ARHGEF7: variants seen among roughly 807,000 people sequenced by gnomAD.
ARHGEF7 encodes the protein Rho guanine nucleotide exchange factor 7.
ARHGEF7 carries 33 observed loss-of-function variants against 109.8 expected under a neutral mutation model. The observed-to-expected ratio is 0.30, with a 90% CI of 0.23 to 0.40. ARHGEF7 has a LOEUF of 0.40. Ranked by LOEUF, ARHGEF7 falls within the 10% of genes least tolerant of loss-of-function variation. ARHGEF7 has a pLI of 1.00. For missense variants in ARHGEF7, 938 were observed against 1,098.5 expected, an observed-to-expected ratio of 0.85 and a Z score of 2.07; for synonymous variants, 458 against 424.6, an observed-to-expected ratio of 1.08 and a Z score of -0.97.
intron 1 of ARHGEF7, among the ~76,000 whole-genome samples, chr13:111,128,776 G>T (rs548098041): frequency 1.3e-5 from 2 of 152,280 alleles, no homozygotes; most frequent in Admixed American, 1.3e-4. Flanking sequence ...ATAACATTCT[G>T]GGTCAGAAGT....
intron 5 of ARHGEF7, among the ~76,000 whole-genome samples, chr13:111,229,132 G>A (rs2085655705): frequency 6.6e-6 from 1 of 152,044 alleles, no homozygotes; most frequent in Non-Finnish European, 1.5e-5. Flanking sequence ...GTGTGTCTTG[G>A]TGGACTCTGG....
chr13:111,128,766 A>C (rs1478817701), intron 1 of ARHGEF7, among the ~76,000 whole-genome samples: 2 of 152,244 alleles, frequency 1.3e-5, no homozygotes, highest in African/African-American at 4.8e-5. Flanking sequence ...GGGGCTATAC[A>C]TAACATTCTG....
intron 2 of ARHGEF7, among the ~76,000 whole-genome samples, chr13:111,173,448 C>T (rs146303128): frequency 6.2e-4 from 95 of 152,320 alleles, no homozygotes; most frequent in African/African-American, 2.0e-3. Flanking sequence ...CTGTGTCTGT[C>T]TTGGGAGGAT....
intron 2 of ARHGEF7, among the ~76,000 whole-genome samples, chr13:111,201,591 T>G (rs549651748): frequency 1.3e-5 from 2 of 152,352 alleles, no homozygotes; most frequent in South Asian, 2.1e-4. Flanking sequence ...GAGTTATCTG[T>G]AGGTCTGTTT....
chr13:111,290,012 C>T (rs983066640), intron 18 of ARHGEF7, among the ~76,000 whole-genome samples: 1 of 152,186 alleles, frequency 6.6e-6, no homozygotes, highest in African/African-American at 2.4e-5. Flanking sequence ...TGTGTATAAT[C>T]ACACAATAAC....
At chr13:111,213,765 A>C (rs1442325789) in intron 4 of ARHGEF7, among the ~76,000 whole-genome samples, 1 of 152,130 alleles carries the variant, frequency 6.6e-6, no homozygotes, top group African/African-American at 2.4e-5. Context: ...TAGTGATGAA[A>C]TCCATCTCTT....
intron 2 of ARHGEF7, among the ~76,000 whole-genome samples, chr13:111,190,221 C>T (rs1019569312): frequency 6.6e-6 from 1 of 152,100 alleles, no homozygotes; most frequent in Admixed American, 6.5e-5. Context: ...AATACAGGGC[C>T]CGAAGGCGAG....
At chr13:111,274,922 A>C (rs555644119) in intron 11 of ARHGEF7, 132 bp downstream of exon 11, 14 of 531,452 alleles carry the variant, frequency 2.6e-5, no homozygotes, top group Non-Finnish European at 3.9e-5. Flanking sequence ...CAGAGTCGGC[A>C]TTCTGTGGCT....
intron 20 of ARHGEF7, 47 bp downstream of exon 20, chr13:111,300,894 T>G (rs780721296): frequency 7.5e-7 from 1 of 1,331,028 alleles, no homozygotes; most frequent in South Asian, 1.3e-5. Context: ...ACCTCTGCGG[T>G]GGGGTAGTAG....
intron 4 of ARHGEF7, among the ~76,000 whole-genome samples, chr13:111,210,637 C>T (rs1341197565): frequency 6.6e-6 from 1 of 152,162 alleles, no homozygotes; most frequent in African/African-American, 2.4e-5. Context: ...GAAACTCAAG[C>T]AGGGTTAAAC....
intron 15 of ARHGEF7, chr13:111,282,737 G>T (rs2092835763): frequency 1.3e-5 from 3 of 227,306 alleles, no homozygotes; most frequent in South Asian, 8.8e-5. Flanking sequence ...ATACGTGGCT[G>T]GGGGGGAATC....
At position 111,292,240 on chromosome 13, in the gene ARHGEF7, TCTGA is replaced by T; in HGVS notation, c.2260_2263del (p.Asp754MetfsTer35). 1 of 1,614,226 alleles carries T rather than the reference TCTGA, an allele frequency of 6.2e-7. No homozygotes were observed. The highest frequency in any genetic ancestry group is 8.5e-7 in the Non-Finnish European group (1 of 1,180,044). On this transcript the variant is annotated frameshift_variant, in exon 19 of 22. Transcript: ENST00000646102. LOFTEE classifies it high-confidence loss of function. The stretch of plus-strand genomic sequence containing the variant: ...GGAGCCTTCAGACCTCTCGGAAGAC[TCTGA>T]CTATGACAGTATATGGACAGCCCAT...
chr13:111,278,237 A>G (rs556980451), intron 13 of ARHGEF7, among the ~76,000 whole-genome samples: 1 of 152,306 alleles, frequency 6.6e-6, no homozygotes, highest in Admixed American at 6.5e-5. Context: ...CTGTTGCGAC[A>G]GTGGTTTATA....
chr13:111,275,431 A>G (rs2092420771), intron 11 of ARHGEF7, 101 bp from the exon 12 acceptor site: 3 of 1,281,696 alleles, frequency 2.3e-6, no homozygotes, highest in African/African-American at 3.0e-5. Context: ...GAAGTAAGAT[A>G]TAAAGCAATA....
At chr13:111,294,441 G>A in intron 19 of ARHGEF7, 1 of 985,256 alleles carries the variant, frequency 1.0e-6, no homozygotes. Context: ...TATCTTACTG[G>A]GACATTTTCA....
At chr13:111,274,608 G>A (rs2092370840) in intron 10 of ARHGEF7, 123 bp from the exon 11 acceptor site, 2 of 460,400 alleles carry the variant, frequency 4.3e-6, no homozygotes, top group Non-Finnish European at 7.6e-6. Flanking sequence ...TTAATGCTGA[G>A]GGAAAAAGGG....
At chr13:111,294,869 C>G in intron 19 of ARHGEF7, 1 of 985,768 alleles carries the variant, frequency 1.0e-6, no homozygotes, top group Non-Finnish European at 1.2e-6. Flanking sequence ...AATGGTGTTC[C>G]CTTTGAAATA....
At chr13:111,244,324 T>G in intron 8 of ARHGEF7, 30 bp downstream of exon 8, 1 of 1,354,454 alleles carries the variant, frequency 7.4e-7, no homozygotes, top group Non-Finnish European at 1.0e-6. Context: ...TTTGCAACAC[T>G]CAGGTTGGTA....
upstream of ARHGEF7, chr13:111,114,800 G>A (rs1237042476): frequency 2.0e-5 from 3 of 152,222 alleles, no homozygotes; most frequent in Admixed American, 2.0e-4. Flanking sequence ...CGGAGAGTCG[G>A]TTCCTCCCGA....
Sources: gnomAD v4.1 joint callset for allele counts (sites outside exome capture counted in the v4.1 genomes callset) on GRCh38, gnomAD v4.1.1 for gene constraint, MANE v1.5 for transcripts, NCBI Gene and HGNC (gene_info 2026-07-23, HGNC 2026-07-21) for gene names.